The following ACVR1 variants were observed in gnomAD, a reference collection of about 807,000 sequenced individuals.
ACVR1 encodes activin receptor type-1.
In ACVR1, 38 loss-of-function variants were observed where a neutral mutation model predicts 57.1. The ratio of observed to expected loss-of-function variants is 0.67; its 90% CI spans 0.51 to 0.87. The LOEUF (loss-of-function observed/expected upper bound fraction) is 0.87, where lower values mean the gene tolerates loss of function less well. Among genes scored for constraint, ACVR1 ranks in the 40% least tolerant of loss-of-function variants. The pLI, the probability that ACVR1 is intolerant of heterozygous loss-of-function variation, is 0.00. For synonymous variants in ACVR1, 212 were observed against 228.1 expected (o/e 0.93, Z 0.63); for missense variants, 463 against 638.2 (o/e 0.73, Z 2.96).
chr2:157,830,614 T>C (rs1162261167), intron 1 of ACVR1, among the ~76,000 whole-genome samples: 2 of 151,760 alleles, frequency 1.3e-5, no homozygotes, highest in Non-Finnish European at 2.9e-5. Flanking sequence ...CTAAATTTTA[T>C]ATACACACAG....
rs757312265 is a variant in ACVR1 at position 157,811,811 on chromosome 2, A to C, written c.-8+6574T>G. Among the ~76,000 whole-genome samples, 22 of 138,318 alleles carry C rather than the reference A, an allele frequency of 1.6e-4. 1 individual carries two copies. The highest frequency in any genetic ancestry group is 4.1e-4 in the South Asian group (2 of 4,822). The allele number at this position is 138,318 out of a possible 152,430, so 90.7% of individuals were successfully genotyped here. On this transcript the variant is annotated intron_variant, in intron 2 of 10. Transcript: ENST00000434821. ...TCCAACAACAACAACAACAACAAAA[A>C]GAAGGAGAATGGAAATAGAATACAA... is the stretch of plus-strand genomic sequence containing the variant.
intron 1 of ACVR1, among the ~76,000 whole-genome samples, chr2:157,830,022 C>T (rs1313710758): frequency 6.6e-6 from 1 of 152,116 alleles, no homozygotes; most frequent in African/African-American, 2.4e-5. Context: ...AGTTCGAGAC[C>T]AGCCTGGCCA....
intron 5 of ACVR1, among the ~76,000 whole-genome samples, chr2:157,774,912 C>T (rs536752850): frequency 6.6e-6 from 1 of 152,028 alleles, no homozygotes; most frequent in African/African-American, 2.4e-5. Flanking sequence ...CTTTCAACTT[C>T]AAGAACTGGG....
At chr2:157,840,176 AAAG>A (rs1284470289) in intron 1 of ACVR1, among the ~76,000 whole-genome samples, 71 of 152,180 alleles carry the variant, frequency 4.7e-4, no homozygotes, top group Non-Finnish European at 1.8e-4. Context: ...GGAACTGACA[AAAG>A]AAGAAGTGGA....
At chr2:157,807,626 G>T (rs1477009431) in intron 2 of ACVR1, among the ~76,000 whole-genome samples, 1 of 151,372 alleles carries the variant, frequency 6.6e-6, no homozygotes, top group Admixed American at 6.6e-5. Flanking sequence ...AGCTCTTCTA[G>T]ATATGTAATT....
At position 157,777,803 on chromosome 2, in the gene ACVR1, G is replaced by A. The variant is rs144266035; in HGVS notation, c.543+328C>T. ...GAGCACTTTTATGGCTAAAAATAGA[G>A]TAACTGAAGACCACAAATTCCAACC... is the stretch of plus-strand genomic sequence containing the variant. On this transcript the variant is annotated intron_variant, in intron 5 of 10. Coordinates refer to ENST00000434821, the MANE Select transcript of ACVR1 (RefSeq NM_001111067.4). Among the ~76,000 whole-genome samples the A allele has an allele frequency of 5.9e-5, 9 of 152,274 alleles. No individual in the cohort carries two copies. In the East Asian group the frequency reaches 1.7e-3, roughly 29 times the overall value.
At chr2:157,801,137 G>T (rs976142719) in intron 2 of ACVR1, among the ~76,000 whole-genome samples, 1 of 152,164 alleles carries the variant, frequency 6.6e-6, no homozygotes, top group Non-Finnish European at 1.5e-5. Flanking sequence ...TTTTTCATAA[G>T]AATGTTTTAA....
intron 6 of ACVR1, among the ~76,000 whole-genome samples, 155 bp downstream of exon 6, chr2:157,773,933 T>C (rs1296059916): frequency 2.0e-5 from 3 of 152,214 alleles, no homozygotes; most frequent in Non-Finnish European, 4.4e-5. Context: ...GTTCAGGTGC[T>C]CCAACATTAG....
chr2:157,782,552 G>A (rs1686562513), intron 3 of ACVR1, among the ~76,000 whole-genome samples: 1 of 152,188 alleles, frequency 6.6e-6, no homozygotes, highest in Non-Finnish European at 1.5e-5. Flanking sequence ...ACATAATCCA[G>A]CAAAAAGTTT....
At chr2:157,819,468 C>A (rs530511925) in intron 1 of ACVR1, 8 of 146,054 alleles carry the variant, frequency 5.5e-5, no homozygotes, top group Non-Finnish European at 1.0e-4. Context: ...TCCACTCCAG[C>A]CTGGACAACA....
chr2:157,739,996 C>A (rs1034353704), intron 9 of ACVR1, among the ~76,000 whole-genome samples: 15 of 152,112 alleles, frequency 9.9e-5, no homozygotes, highest in Non-Finnish European at 2.1e-4. Context: ...CAAGCCTGGG[C>A]AACATGGCAA....
chr2:157,789,020 T>C (rs1686814790), intron 3 of ACVR1, among the ~76,000 whole-genome samples: 1 of 152,172 alleles, frequency 6.6e-6, no homozygotes, highest in African/African-American at 2.4e-5. Flanking sequence ...ATATCTTCTT[T>C]CCCCTATCAG....
intron 2 of ACVR1, among the ~76,000 whole-genome samples, chr2:157,801,124 T>C (rs1423692718): frequency 6.6e-6 from 1 of 152,210 alleles, no homozygotes; most frequent in African/African-American, 2.4e-5. Context: ...ATTATTAAAC[T>C]GTTTTTTCAT....
intron 1 of ACVR1, among the ~76,000 whole-genome samples, chr2:157,849,919 T>C (rs1559092975): frequency 6.6e-6 from 1 of 152,250 alleles, no homozygotes; most frequent in Non-Finnish European, 1.5e-5. Flanking sequence ...GTAACATTTC[T>C]ATGTTGACTG....
intron 1 of ACVR1, among the ~76,000 whole-genome samples, chr2:157,872,540 G>C (rs1414116028): frequency 6.6e-6 from 1 of 152,172 alleles, no homozygotes; most frequent in East Asian, 1.9e-4. Flanking sequence ...ATATTGGAAA[G>C]GAGAGTAGAA....
chr2:157,863,943 T>A (rs1385231017), intron 1 of ACVR1, among the ~76,000 whole-genome samples: 1 of 143,194 alleles, frequency 7.0e-6, no homozygotes, highest in Non-Finnish European at 1.5e-5. Flanking sequence ...CACTGCAACC[T>A]CCGCCTCCTG....
At chr2:157,781,841 T>C (rs1686535562) in intron 3 of ACVR1, among the ~76,000 whole-genome samples, 1 of 152,244 alleles carries the variant, frequency 6.6e-6, no homozygotes, top group Non-Finnish European at 1.5e-5. Context: ...GAGGATAAAA[T>C]GTAAACAGCC....
At position 157,807,916 on chromosome 2, in the gene ACVR1, T is replaced by TTCTCTCTC. The variant is rs149277565; in HGVS notation, c.-7-8424_-7-8417dup. ...AGGCCAGAGAGGTACATTTCTCTCT[T>TTCTCTCTC]TCTCTCTCTCTCTCTCTCCCTCTCT... On this transcript the variant is annotated intron_variant, in intron 2 of 10. Coordinates refer to ENST00000434821, the MANE Select transcript of ACVR1 (RefSeq NM_001111067.4). Among the ~76,000 whole-genome samples the TTCTCTCTC allele has an allele frequency of 5.6e-5, 8 of 143,458 alleles. 1 individual carries two copies. The highest frequency in any genetic ancestry group is 2.0e-4 in the African/African-American group (8 of 39,558). The allele number at this position is 143,458 out of a possible 152,430, so 94.1% of individuals were successfully genotyped here. A position where few individuals can be genotyped will look rare whatever the true frequency, so the allele number is the denominator to read the frequency against.
intron 3 of ACVR1, among the ~76,000 whole-genome samples, chr2:157,780,933 A>C (rs6708430): frequency 0.81 from 122,877 of 152,100 alleles, 49,803 homozygotes; most frequent in East Asian, 0.93. Context: ...GATTGGCTCT[A>C]AGATCCCAAT....
Sources: gnomAD v4.1 joint callset for allele counts (sites outside exome capture counted in the v4.1 genomes callset) on GRCh38, gnomAD v4.1.1 for gene constraint, MANE v1.5 for transcripts, NCBI Gene and HGNC (gene_info 2026-07-23, HGNC 2026-07-21) for gene names.